The following SYCP2 variants were observed in gnomAD, a reference collection of about 807,000 sequenced individuals.
SYCP2 encodes the protein synaptonemal complex lateral element protein.
SYCP2 carries 55 observed loss-of-function variants against 211.3 expected under a neutral mutation model. The ratio of observed to expected loss-of-function variants is 0.26; its 90% CI spans 0.21 to 0.33. The LOEUF (loss-of-function observed/expected upper bound fraction) is 0.33. Ranked by LOEUF, SYCP2 falls within the 10% of genes least tolerant of loss-of-function variation. SYCP2 has a pLI of 1.00. For missense variants in SYCP2, 1,731 were observed against 1,752.0 expected (o/e 0.99, Z 0.21); for synonymous variants, 570 against 555.2 (o/e 1.03, Z -0.37).
At chr20:59,912,339 ATAAC>A in intron 13 of SYCP2, 30 bp downstream of exon 13, 1 of 831,738 alleles carries the variant, frequency 1.2e-6, no homozygotes, top group Non-Finnish European at 1.9e-6. Context: ...AATTCATGCA[ATAAC>A]TAAAATAATG....
At chr20:59,902,375 C>T (rs1009975115) in intron 15 of SYCP2, among the ~76,000 whole-genome samples, 1 of 151,990 alleles carries the variant, frequency 6.6e-6, no homozygotes, top group African/African-American at 2.4e-5. Flanking sequence ...AAGAAATAGT[C>T]ACACTCTCCC....
chr20:59,881,380 G>T, intron 29 of SYCP2, 57 bp downstream of exon 29: 1 of 872,980 alleles, frequency 1.1e-6, no homozygotes, highest in South Asian at 1.7e-5. Context: ...AGACTGGGAG[G>T]AGATATTTAA....
Position 59,885,935 on chromosome 20 carries a change from A to G in SYCP2, c.2522T>C (p.Leu841Pro), listed in dbSNP as rs1186400564. Residue 841 changes from leucine to proline, a missense_variant, in exon 26 of 45, where the codon CTC becomes CCC. Leu to Pro is a moderately conservative substitution (Grantham distance 98, BLOSUM62 -3). Coordinates refer to ENST00000357552, the MANE Select transcript of SYCP2 (RefSeq NM_014258.4). ...TAAGTAAATAACACCTACCTTACTG[A>G]GTTGTACAACAGGTTTGTTTGAAAA... The part of the protein sequence containing the change: ...SGFSNKPVVQ[L>P]SKEKVQKKSY... The G allele has an allele frequency of 2.5e-6, 4 of 1,600,084 alleles. No individual in the cohort carries two copies. The highest frequency in any genetic ancestry group is 3.4e-6 in the Non-Finnish European group (4 of 1,174,632).
chr20:59,921,278 G>A (rs760552074), intron 4 of SYCP2, 32 bp downstream of exon 4: 6 of 1,557,822 alleles, frequency 3.9e-6, no homozygotes, highest in Non-Finnish European at 3.5e-6. Context: ...TCTAATAATT[G>A]TAACAATCAT....
intron 40 of SYCP2, 46 bp from the exon 41 acceptor site, chr20:59,866,438 C>T (rs533760618): frequency 6.4e-7 from 1 of 1,560,006 alleles, no homozygotes; most frequent in South Asian, 1.2e-5. Context: ...CTGTAGCATT[C>T]AGAATATAGG....
At chr20:59,907,033 A>G (rs1280405530) in intron 15 of SYCP2, among the ~76,000 whole-genome samples, 1 of 152,214 alleles carries the variant, frequency 6.6e-6, no homozygotes, top group East Asian at 1.9e-4. Context: ...CACTAGCATT[A>G]TGCAGTTCCA....
At position 59,866,344 on chromosome 20, in the gene SYCP2, C is replaced by T; in HGVS notation, c.4269G>A (p.Glu1423=). ...KFQFIIIEEL[E]NFEKDSQSLK... ...AAGACTGTGAATCTTTTTCAAAATT[C>T]TCCAGCTCCTCTATGATAATGAATT... The change falls in exon 41 of 45, where the codon GAG becomes GAA. Residue 1423 remains glutamate (E), a synonymous_variant. Coordinates refer to ENST00000357552, the MANE Select transcript of SYCP2 (RefSeq NM_014258.4). 6.3e-7 allele frequency: 1 copy of T among 1,596,298 alleles called. No individual in the cohort carries two copies. The highest frequency in any genetic ancestry group is 1.7e-5 in the Admixed American group (1 of 57,158).
intron 24 of SYCP2, among the ~76,000 whole-genome samples, chr20:59,887,857 T>C (rs2059825686): frequency 6.6e-6 from 1 of 151,908 alleles, no homozygotes. Flanking sequence ...CCATCACTGC[T>C]GATCACATAG....
At position 59,910,374 on chromosome 20, in the gene SYCP2, A is replaced by ATTT. The variant is rs898302276; in HGVS notation, c.972+1373_972+1375dup. On this transcript the variant is annotated intron_variant, in intron 14 of 44. Transcript: ENST00000357552. ...GTATACTGCTATAGTGTAATTGCTTATTTTTTTTTTTTTTTTTTTTTTTTT... is the reference window on the plus strand; with the variant it reads ...GTATACTGCTATAGTGTAATTGCTTATTTTTTTTTTTTTTTTTTTTTTTTTTTT... Among the ~76,000 whole-genome samples, 457 of 76,222 alleles carry ATTT rather than the reference A, an allele frequency of 6.0e-3. 95 individuals are homozygous for ATTT. Among genetic ancestry groups the ATTT allele is most frequent in the African/African-American group, 0.022 (364 of 16,892 alleles). 50.0% of individuals were successfully genotyped at this position (76,222 alleles called of 152,430 possible). A position where few individuals can be genotyped will look rare whatever the true frequency, so the allele number is the denominator to read the frequency against.
chr20:59,870,250 G>A (rs1212839123), intron 35 of SYCP2, among the ~76,000 whole-genome samples: 1 of 151,622 alleles, frequency 6.6e-6, no homozygotes, highest in African/African-American at 2.4e-5. Flanking sequence ...ACAAGAACAC[G>A]AATAAGAATT....
Position 59,866,551 on chromosome 20 carries a change from A to C in SYCP2, c.4164T>G (p.Ser1388=). The C allele has an allele frequency of 6.2e-7, 1 of 1,606,178 alleles. No individual in the cohort carries two copies. ...HKMLSYFTTQ[S]WKTAQQHLRT... ...TCAGATGTTGCTGAGCTGTTTTCCA[A>C]GACTGCGTAGTAAAATAACTCAACA... Residue 1388 remains serine, a synonymous_variant, in exon 40 of 45, where the codon TCT becomes TCG. Transcript: ENST00000357552.
chr20:59,920,380 T>A lies in SYCP2; in HGVS notation c.276A>T (p.Ile92=), dbSNP rs776657063. ...TTATCTTTTGTATTAGTCCTTGTTT[T>A]ATCATCGTTAGAAGTCCAGCTTGCC... ...VLGQAGLLTM[I]KQGLIQKMVA... Residue 92 remains isoleucine (I), a synonymous_variant, in exon 5 of 45, where the codon ATA becomes ATT. Coordinates refer to ENST00000357552, the MANE Select transcript of SYCP2 (RefSeq NM_014258.4). 3.6e-5 allele frequency: 58 copies of A among 1,608,624 alleles called. 1 individual carries two copies. In the Middle Eastern group the frequency reaches 4.0e-3, roughly 110 times the overall value.
intron 31 of SYCP2, among the ~76,000 whole-genome samples, chr20:59,879,722 T>C (rs948323013): frequency 6.7e-6 from 1 of 149,672 alleles, no homozygotes; most frequent in African/African-American, 2.4e-5. Flanking sequence ...TGGAAGAAAA[T>C]TGTTTTCCTT....
At chr20:59,869,442 T>C (rs79881300) in intron 36 of SYCP2, among the ~76,000 whole-genome samples, 4,941 of 151,808 alleles carry the variant, frequency 0.033, 268 homozygotes, top group African/African-American at 0.11. Flanking sequence ...TACAGGTTAC[T>C]AAAATATTTT....
At chr20:59,879,827 AT>A (rs1568921787) in intron 31 of SYCP2, among the ~76,000 whole-genome samples, 36 of 5,722 alleles carry the variant, frequency 6.3e-3, no homozygotes, top group East Asian at 0.02. Flanking sequence ...AAATAAATAT[AT>A]ATATATATAT....
chr20:59,907,383 T>C lies in SYCP2; in HGVS notation c.1014A>G (p.Val338=), dbSNP rs767649121. 21 of 1,610,038 alleles carry C rather than the reference T, an allele frequency of 1.3e-5. No individual in the cohort carries two copies. The highest frequency in any genetic ancestry group is 1.7e-5 in the Non-Finnish European group (20 of 1,177,198). Residue 338 remains valine (V), a synonymous_variant, in exon 15 of 45, where the codon GTA becomes GTG. Coordinates refer to ENST00000357552, the MANE Select transcript of SYCP2 (RefSeq NM_014258.4). The stretch of plus-strand genomic sequence containing the variant: ...TAATACCTTCAATGCTGTATATTTG[T>C]ACTTTTTCCTCTGGCACAGTAACTG... The part of the protein sequence containing the change: ...WEAVTVPEEK[V]QIYSIEVRES...
chr20:59,921,262 GTTCT>G (rs781543331), intron 4 of SYCP2, 44 bp downstream of exon 4: 22 of 1,520,398 alleles, frequency 1.4e-5, no homozygotes, highest in South Asian at 7.5e-5. Context: ...TAAAACTAGA[GTTCT>G]ATCTAATAAT....
chr20:59,880,372 T>C lies in SYCP2; in HGVS notation c.2872A>G (p.Lys958Glu). 1 of 1,601,966 alleles carries C rather than the reference T, an allele frequency of 6.2e-7. No individual in the cohort carries two copies. The highest frequency in any genetic ancestry group is 1.3e-5 in the African/African-American group (1 of 74,892). Residue 958 changes from lysine (K) to glutamate (E), a missense_variant, in exon 31 of 45, where the codon AAA (lysine) becomes GAA (glutamate). Lys to Glu is a moderately conservative substitution (Grantham distance 56). This residue lies in a region of SYCP2 where 1,387 missense variants were observed against 1,351.3 expected (regional missense o/e 1.03). Transcript: ENST00000357552. ...TAGTCTATTAGCTGTGGTTTTGATT[T>C]CGGTTCTCTTAGCCAGCTAATATCA... is the stretch of plus-strand genomic sequence containing the variant. The part of the protein sequence containing the change: ...KTDISWLREP[K>E]SKPQLIDYSR...
intron 14 of SYCP2, among the ~76,000 whole-genome samples, chr20:59,908,920 T>A (rs1272030216): frequency 1.3e-5 from 2 of 152,202 alleles, no homozygotes; most frequent in East Asian, 3.9e-4. Flanking sequence ...CTTAACTTGA[T>A]GTCTTTACTT....
Sources: gnomAD v4.1 joint callset for allele counts (sites outside exome capture counted in the v4.1 genomes callset) on GRCh38, gnomAD v4.1.1 for gene constraint, gnomAD v4.1.1 regional missense constraint, MANE v1.5 for transcripts, NCBI Gene and HGNC (gene_info 2026-07-23, HGNC 2026-07-21) for gene names.